MAST4: variants seen among roughly 807,000 people sequenced by gnomAD.
MAST4 encodes microtubule-associated serine/threonine-protein kinase 4.
In MAST4, 89 loss-of-function variants were observed where a neutral mutation model predicts 162.7. The ratio of observed to expected loss-of-function variants is 0.55; its 90% CI spans 0.46 to 0.65. MAST4 has a LOEUF of 0.65. MAST4 is among the 30% of genes least tolerant of loss of function. MAST4 has a pLI of 0.00. For missense variants in MAST4, 3,153 were observed against 3,374.0 expected, an observed-to-expected ratio of 0.93 and a Z score of 1.62; for synonymous variants, 1,479 against 1,361.1, an observed-to-expected ratio of 1.09 and a Z score of -1.91.
intron 15 of MAST4, among the ~76,000 whole-genome samples, chr5:67,130,624 T>C (rs1768848121): frequency 1.3e-5 from 2 of 152,152 alleles, no homozygotes; most frequent in Admixed American, 6.5e-5. Flanking sequence ...AAATTAGCGC[T>C]ATCTGGAAAA....
intron 1 of MAST4, among the ~76,000 whole-genome samples, chr5:66,734,744 A>G (rs1752061073): frequency 6.6e-6 from 1 of 152,228 alleles, no homozygotes; most frequent in Non-Finnish European, 1.5e-5. Context: ...TTTAGTTTAA[A>G]TTAAATCTAA....
Position 67,164,947 on chromosome 5 carries a change from G to A in MAST4, c.5768G>A (p.Gly1923Asp). The A allele has an allele frequency of 6.2e-7, 1 of 1,613,922 alleles. No individual in the cohort carries two copies. The highest frequency in any genetic ancestry group is 8.5e-7 in the Non-Finnish European group (1 of 1,179,882). Residue 1923 changes from glycine to aspartate, a missense_variant, in exon 29 of 29, where the codon GGC becomes GAC. Physicochemically the swap from Gly to Asp is moderately conservative, Grantham distance 94. This residue lies in a region of MAST4 where 1,644 missense variants were observed against 1,495.0 expected (regional missense o/e 1.10). Coordinates refer to ENST00000403625, the MANE Select transcript of MAST4 (RefSeq NM_001164664.2). This position sits in a 1 kb window ranked among gnomAD's most constrained non-coding sequence, Gnocchi z 5.3. ...VMESNPQQRE[G>D]SSPKHQDHTT... ...GAAAGCAATCCCCAACAGAGAGAGG[G>A]CAGCTCCCCTAAACACCAAGACCAC...
intron 4 of MAST4, among the ~76,000 whole-genome samples, chr5:67,048,970 CAT>C (rs367955442): frequency 0.019 from 2,230 of 117,844 alleles, 28 homozygotes; most frequent in South Asian, 0.063. Context: ...ATACATATAG[CAT>C]ATATATATAT....
chr5:67,164,053 T>A lies in MAST4; in HGVS notation c.4874T>A (p.Val1625Glu). 1 of 1,570,394 alleles carries A rather than the reference T, an allele frequency of 6.4e-7. No homozygotes were observed. Among genetic ancestry groups the A allele is most frequent in the East Asian group, 2.3e-5 (1 of 42,882 alleles). ...ASEGAMSDGR[V>E]PAEHRQGGGD... ...GAGGGTGCGATGTCGGATGGCCGGG[T>A]GCCTGCGGAGCACCGCCAGGGTGGC... The change falls in exon 29 of 29, where the codon GTG becomes GAG. Residue 1625 changes from valine (V) to glutamate (E), a missense_variant. By Grantham distance (121) the Val-to-Glu change is moderately radical. Transcript: ENST00000403625. The surrounding 1 kb of genome is among the most constrained non-coding windows in gnomAD (Gnocchi z 5.3).
intron 4 of MAST4, among the ~76,000 whole-genome samples, chr5:67,004,191 GGCTGGGGTCGC>G (rs74657292): frequency 0.48 from 72,896 of 151,684 alleles, 19,087 homozygotes; most frequent in East Asian, 0.67. Context: ...TCCCGGCACC[GGCTGGGGTCGC>G]GCCGCGGCCG....
At chr5:66,902,720 T>C in intron 4 of MAST4, 1 of 470,132 alleles carries the variant, frequency 2.1e-6, no homozygotes, top group Non-Finnish European at 4.4e-6. Flanking sequence ...GGCAAGATGC[T>C]GTTATGAGAT....
intron 19 of MAST4, among the ~76,000 whole-genome samples, chr5:67,139,225 G>A (rs1030029548): frequency 6.6e-6 from 1 of 152,202 alleles, no homozygotes; most frequent in Non-Finnish European, 1.5e-5. Flanking sequence ...TCCAATGACA[G>A]CGTTTTGTAT....
chr5:67,012,703 G>A (rs767231056), intron 4 of MAST4, among the ~76,000 whole-genome samples: 8 of 152,046 alleles, frequency 5.3e-5, no homozygotes, highest in Non-Finnish European at 1.2e-4. Flanking sequence ...ATACATTGTA[G>A]TTCTGGTACT....
chr5:66,837,937 G>A (rs1335039679), intron 3 of MAST4, among the ~76,000 whole-genome samples: 1 of 134,758 alleles, frequency 7.4e-6, no homozygotes, highest in Non-Finnish European at 1.5e-5. Context: ...GTGTTTGGAA[G>A]GTGGATATAC....
intron 1 of MAST4, among the ~76,000 whole-genome samples, chr5:66,721,520 G>A (rs2149539055): frequency 6.7e-6 from 1 of 148,168 alleles, no homozygotes; most frequent in South Asian, 2.1e-4. Flanking sequence ...ACTCTCCTTT[G>A]CTGGTTCTTC....
rs149847209 is a variant in MAST4 at position 66,758,899 on chromosome 5, T to G, written c.364-810T>G. On this transcript the variant is annotated intron_variant, in intron 1 of 28. Transcript: ENST00000403625. The stretch of plus-strand genomic sequence containing the variant: ...ATGTAGGTGTATATGAAAATTTTTG[T>G]CCTTTGCAGCTGTCTTAGACACATA... 2.6e-5 allele frequency among the ~76,000 whole-genome samples: 4 copies of G among 152,274 alleles called. No homozygotes were observed. The East Asian group carries it at 7.8e-4, about 30-fold the overall frequency.
rs201146857 is a variant in MAST4 at position 66,815,485 on chromosome 5, G to GA, written c.642+26699dup. 9.3e-4 allele frequency among the ~76,000 whole-genome samples: 141 copies of GA among 151,826 alleles called. 2 individuals carry two copies. In the East Asian group the frequency reaches 0.022, roughly 23 times the overall value. On this transcript the variant is annotated intron_variant, in intron 3 of 28. Coordinates refer to ENST00000403625, the MANE Select transcript of MAST4 (RefSeq NM_001164664.2). ...TCATACGTATGTATATATTTTAATA[G>GA]AAAAAAAACAGTATATATGGGGCTT...
chr5:66,765,282 ACAGATTC>A (rs1297816556), intron 2 of MAST4, among the ~76,000 whole-genome samples: 1 of 152,180 alleles, frequency 6.6e-6, no homozygotes, highest in Non-Finnish European at 1.5e-5. Context: ...CTCAGTAGCC[ACAGATTC>A]CAGGTTCCAG....
At chr5:66,788,607 C>CCCAACAAAAAAAAAA in intron 2 of MAST4, 63 bp from the exon 3 acceptor site, 1 of 1,373,728 alleles carries the variant, frequency 7.3e-7, no homozygotes, top group Non-Finnish European at 1.0e-6. Context: ...CCCCCACCCC[C>CCCAACAAAAAAAAAA]ATTGCAATAA....
intron 26 of MAST4, among the ~76,000 whole-genome samples, chr5:67,154,618 G>A (rs1772262282): frequency 6.6e-6 from 1 of 152,148 alleles, no homozygotes; most frequent in African/African-American, 2.4e-5. Context: ...GGAGCACCTT[G>A]CACAACCCAA....
intron 1 of MAST4, among the ~76,000 whole-genome samples, chr5:66,618,500 G>T (rs768170616): frequency 6.6e-6 from 1 of 152,188 alleles, no homozygotes; most frequent in Non-Finnish European, 1.5e-5. Context: ...AGATTTTAGT[G>T]TGTATGCTTT....
At chr5:66,897,510 C>T (rs761710900) in intron 3 of MAST4, among the ~76,000 whole-genome samples, 1 of 152,208 alleles carries the variant, frequency 6.6e-6, no homozygotes, top group Non-Finnish European at 1.5e-5. Context: ...CAGACTTTTG[C>T]AGCTATTGTT....
At chr5:67,008,274 A>G (rs1436537141) in intron 4 of MAST4, among the ~76,000 whole-genome samples, 3 of 152,226 alleles carry the variant, frequency 2.0e-5, no homozygotes, top group African/African-American at 7.2e-5. Flanking sequence ...AGAGATTTTC[A>G]GTTTCATAGG....
intron 3 of MAST4, among the ~76,000 whole-genome samples, chr5:66,836,893 A>T (rs143902009): frequency 6.6e-6 from 1 of 152,278 alleles, no homozygotes; most frequent in East Asian, 1.9e-4. Flanking sequence ...CATAACACAC[A>T]ATTTACCTGT....
Sources: gnomAD v4.1 joint callset for allele counts (sites outside exome capture counted in the v4.1 genomes callset) on GRCh38, gnomAD v4.1.1 for gene constraint, gnomAD v4.1.1 regional missense constraint, Gnocchi (gnomAD v3.1) non-coding constraint, MANE v1.5 for transcripts, NCBI Gene and HGNC (gene_info 2026-07-23, HGNC 2026-07-21) for gene names.